CRACD: variants seen among roughly 807,000 people sequenced by gnomAD.
The protein encoded by CRACD is capping protein inhibiting regulator of actin dynamics.
A neutral mutation model predicts 106.8 loss-of-function variants in CRACD; 56 were observed. The observed-to-expected ratio is 0.52, with a 90% CI of 0.42 to 0.66. The LOEUF (loss-of-function observed/expected upper bound fraction) is 0.66. CRACD is among the 30% of genes least tolerant of loss of function. CRACD has a pLI of 0.00. For synonymous variants in CRACD, 754 were observed against 670.8 expected (o/e 1.12, Z -1.92); for missense variants, 1,730 against 1,623.2 (o/e 1.07, Z -1.13).
At chr4:56,265,403 GGTGT>G (rs111811548) in intron 2 of CRACD, among the ~76,000 whole-genome samples, 21,523 of 77,318 alleles carry the variant, frequency 0.28, 1,674 homozygotes, top group Admixed American at 0.36. Flanking sequence ...ATAGAGGAGG[GGTGT>G]GTGTGTGTGT....
At chr4:56,190,609 G>A (rs1175446313) in intron 2 of CRACD, among the ~76,000 whole-genome samples, 1 of 152,174 alleles carries the variant, frequency 6.6e-6, no homozygotes, top group African/African-American at 2.4e-5. Flanking sequence ...TATAAGAGGT[G>A]GGCTTCTATG....
At position 56,052,607 on chromosome 4, in the gene CRACD, A is replaced by G. The variant is rs1349640688; in HGVS notation, c.-336+3308A>G. 3.3e-5 allele frequency among the ~76,000 whole-genome samples: 5 copies of G among 152,252 alleles called. No homozygotes were observed. The East Asian group carries it at 9.6e-4, about 29-fold the overall frequency. On this transcript the variant is annotated intron_variant, in intron 1 of 10. Transcript: ENST00000682029. ...CTCATGGTCACGTTACTGTGTGCTA[A>G]GTAGTCTATTTATATATGTTATCTA...
chr4:56,305,432 G>A (rs1744627916), intron 4 of CRACD, among the ~76,000 whole-genome samples: 3 of 152,174 alleles, frequency 2.0e-5, no homozygotes, highest in African/African-American at 7.2e-5. Flanking sequence ...TCCCAAGGCT[G>A]CAGGGTGAAA....
chr4:56,076,051 A>G (rs1480444222), intron 1 of CRACD, among the ~76,000 whole-genome samples: 3 of 152,186 alleles, frequency 2.0e-5, no homozygotes, highest in Admixed American at 1.3e-4. Flanking sequence ...TCCTAACCCC[A>G]AGTACCTCAG....
At chr4:56,243,202 A>G (rs1268481067) in intron 2 of CRACD, among the ~76,000 whole-genome samples, 2 of 152,200 alleles carry the variant, frequency 1.3e-5, no homozygotes, top group Non-Finnish European at 2.9e-5. Context: ...TTCTCTTAAA[A>G]GAAATCTGTT....
chr4:56,282,588 A>G (rs1056942644), intron 3 of CRACD, among the ~76,000 whole-genome samples: 1 of 152,346 alleles, frequency 6.6e-6, no homozygotes, highest in African/African-American at 2.4e-5. Context: ...TCCAAGTTCC[A>G]AGGTTGGTTG....
At chr4:56,147,132 AT>A (rs1171520799) in intron 1 of CRACD, among the ~76,000 whole-genome samples, 2 of 152,062 alleles carry the variant, frequency 1.3e-5, no homozygotes, top group African/African-American at 4.8e-5. Flanking sequence ...GAGTAAGAGG[AT>A]TCTGCAGCTG....
chr4:56,090,414 T>C (rs1323835218), intron 1 of CRACD, among the ~76,000 whole-genome samples: 1 of 151,858 alleles, frequency 6.6e-6, no homozygotes, highest in African/African-American at 2.4e-5. Context: ...AGGGATTTTT[T>C]TGAGACAGGA....
intron 1 of CRACD, among the ~76,000 whole-genome samples, chr4:56,092,518 A>G (rs540169803): frequency 6.6e-6 from 1 of 152,322 alleles, no homozygotes; most frequent in South Asian, 2.1e-4. Flanking sequence ...TGCACAATGA[A>G]TTGATAGTAT....
chr4:56,155,287 A>G (rs1012058667), intron 1 of CRACD, among the ~76,000 whole-genome samples: 1 of 152,160 alleles, frequency 6.6e-6, no homozygotes, highest in Non-Finnish European at 1.5e-5. Flanking sequence ...TTCTGCTTTG[A>G]CATTGCGTAT....
intron 1 of CRACD, among the ~76,000 whole-genome samples, chr4:56,126,483 C>G (rs1734664207): frequency 6.6e-6 from 1 of 152,298 alleles, no homozygotes; most frequent in South Asian, 2.1e-4. Flanking sequence ...TCTCCATTCT[C>G]TAAGGATAAC....
chr4:56,108,516 G>A (rs1734019261), intron 1 of CRACD, among the ~76,000 whole-genome samples: 1 of 152,160 alleles, frequency 6.6e-6, no homozygotes, highest in South Asian at 2.1e-4. Flanking sequence ...ACGAGAGATT[G>A]TAAAAAATAA....
chr4:56,313,186 C>A lies in CRACD; in HGVS notation c.355-11C>A. 1 of 1,605,786 alleles carries A rather than the reference C, an allele frequency of 6.2e-7. No homozygotes were observed. Among genetic ancestry groups the A allele is most frequent in the Non-Finnish European group, 8.5e-7 (1 of 1,174,256 alleles). ...ATCCCAACTGACTTTCTATTTTAAT[C>A]TCCCCTACAGGTTGCTCCCGTTAAA... On this transcript the variant is annotated splice_polypyrimidine_tract_variant and intron_variant, in intron 6 of 10. Coordinates refer to ENST00000682029, the MANE Select transcript of CRACD (RefSeq NM_001393381.1).
intron 2 of CRACD, among the ~76,000 whole-genome samples, chr4:56,256,327 C>G (rs573124918): frequency 6.6e-6 from 1 of 152,316 alleles, no homozygotes; most frequent in East Asian, 1.9e-4. Context: ...CATGTGAGAT[C>G]TGCCTTTCAC....
At chr4:56,279,774 C>A (rs1466377592) in intron 3 of CRACD, among the ~76,000 whole-genome samples, 5 of 152,086 alleles carry the variant, frequency 3.3e-5, no homozygotes, top group Non-Finnish European at 7.4e-5. Context: ...ACCATTTGAC[C>A]CAGCCATCCC....
intron 2 of CRACD, among the ~76,000 whole-genome samples, chr4:56,190,001 G>A (rs1737296924): frequency 2.6e-5 from 3 of 116,634 alleles, no homozygotes; most frequent in Non-Finnish European, 5.0e-5. Flanking sequence ...CCCAGAGTGT[G>A]ATGTTCCCCT....
intron 7 of CRACD, 99 bp downstream of exon 7, chr4:56,313,478 C>T: frequency 1.9e-6 from 2 of 1,047,232 alleles, no homozygotes; most frequent in East Asian, 2.5e-5. Context: ...ATGTAAAGAC[C>T]TGAGAGTCTC....
intron 1 of CRACD, among the ~76,000 whole-genome samples, chr4:56,137,892 T>C (rs1735059420): frequency 6.6e-6 from 1 of 152,200 alleles, no homozygotes; most frequent in Non-Finnish European, 1.5e-5. Flanking sequence ...ATGTTGTTAT[T>C]ATATTTCAGA....
intron 1 of CRACD, among the ~76,000 whole-genome samples, chr4:56,065,122 C>T (rs770293142): frequency 1.3e-5 from 2 of 151,600 alleles, no homozygotes; most frequent in Non-Finnish European, 2.9e-5. Context: ...GAGTCTTGCT[C>T]TGTCGCCCAG....
Sources: gnomAD v4.1 joint callset for allele counts (sites outside exome capture counted in the v4.1 genomes callset) on GRCh38, gnomAD v4.1.1 for gene constraint, MANE v1.5 for transcripts, NCBI Gene and HGNC (gene_info 2026-07-23, HGNC 2026-07-21) for gene names.